The following PHKG2 variants were observed in gnomAD, a reference collection of about 807,000 sequenced individuals.
PHKG2 encodes phosphorylase kinase catalytic subunit gamma 2.
Under a neutral mutation model 44.5 loss-of-function variants are expected in PHKG2, and 28 were observed. The observed-to-expected ratio is 0.63, with a 90% CI of 0.47 to 0.86. The LOEUF is 0.86. Ranked by LOEUF, PHKG2 falls within the 40% of genes least tolerant of loss-of-function variation. The probability of loss-of-function intolerance (pLI) is 0.00; values close to 1 mark genes in which losing one functional copy is unlikely to be tolerated. For synonymous variants in PHKG2, 220 were observed against 211.2 expected (o/e 1.04, Z -0.36); for missense variants, 498 against 547.5 (o/e 0.91, Z 0.90).
In PHKG2 at chr16:30,761,004, G is replaced by A. The variant is rs1311150570; in HGVS notation, c.*3907G>A. 3 of 641,818 alleles carry A rather than the reference G, an allele frequency of 4.7e-6. No homozygotes were observed. Among genetic ancestry groups the A allele is most frequent in the Non-Finnish European group, 8.0e-6 (3 of 373,268 alleles). 39.8% of individuals were successfully genotyped at this position (641,818 alleles called of 1,614,324 possible). The stretch of plus-strand genomic sequence containing the variant: ...AGACTCCATTTACATTCTGTCTTTG[G>A]CTCTTTTTTTCTCACACTGCCTCCT... On this transcript the variant is annotated 3_prime_UTR_variant, in exon 10 of 10. Coordinates refer to ENST00000563588, the MANE Select transcript of PHKG2 (RefSeq NM_000294.3).
intron 4 of PHKG2, 67 bp downstream of exon 4, chr16:30,751,670 G>A: frequency 2.3e-6 from 3 of 1,316,544 alleles, no homozygotes; most frequent in Non-Finnish European, 3.3e-6. Flanking sequence ...CAGCATTTGT[G>A]GTGCAGTGGG....
chr16:30,755,085 TAC>T (rs2053399540), intron 6 of PHKG2: 2 of 362,204 alleles, frequency 5.5e-6, no homozygotes, highest in Admixed American at 3.3e-5. Context: ...AAACTAAAAA[TAC>T]AGACTTGAGC....
intron 2 of PHKG2, among the ~76,000 whole-genome samples, chr16:30,749,296 GTC>G (rs1490910084): frequency 2.9e-5 from 4 of 137,606 alleles, no homozygotes; most frequent in Non-Finnish European, 6.3e-5. Context: ...GTGTGTGTGT[GTC>G]TTTCAAGTTC....
At position 30,757,637 on chromosome 16, in the gene PHKG2, G is replaced by A. The variant is rs373334034; in HGVS notation, c.*540G>A. ...TTCACTTGGGTCTTGATGTAGGCTC[G>A]GAGGACGTGGATGTGGCCTGCAGGG... On this transcript the variant is annotated 3_prime_UTR_variant, in exon 10 of 10. Transcript: ENST00000563588. 45 of 1,613,136 alleles carry A rather than the reference G, an allele frequency of 2.8e-5. No individual in the cohort carries two copies. Among genetic ancestry groups the A allele is most frequent in the Non-Finnish European group, 3.8e-5 (45 of 1,179,430 alleles).
intron 6 of PHKG2, 44 bp downstream of exon 6, chr16:30,753,601 AG>A: frequency 6.3e-7 from 1 of 1,587,582 alleles, no homozygotes; most frequent in Non-Finnish European, 8.6e-7. Context: ...GGGGAGACCC[AG>A]GCCTGATGAG....
chr16:30,751,210 T>G lies in PHKG2; in HGVS notation c.200T>G (p.Leu67Arg), dbSNP rs1299395437. ...VTAERLSPEQ[L>R]EEVREATRRE... is the part of the protein sequence containing the mutation. ...GCTGAGCGGCTGAGTCCTGAGCAGC[T>G]GGAGGAGGTGCGGGAAGCCACACGG... The change falls in exon 3 of 10, where the codon CTG becomes CGG. Residue 67 changes from leucine (L) to arginine (R), a missense_variant. Coordinates refer to ENST00000563588, the MANE Select transcript of PHKG2 (RefSeq NM_000294.3). 16 of 1,613,592 alleles carry G rather than the reference T, an allele frequency of 9.9e-6. No homozygotes were observed. The Admixed American group carries it at 2.7e-4, about 27-fold the overall frequency.
At chr16:30,748,552 C>T (rs1168004614) in intron 1 of PHKG2, 62 bp downstream of exon 1, 1 of 535,350 alleles carries the variant, frequency 1.9e-6, no homozygotes. Context: ...TGCGCGGCAA[C>T]AGCCGCCTGC....
rs777606340 is a variant in PHKG2 at position 30,751,134 on chromosome 16, G to A, written c.124G>A (p.Val42Ile). The A allele has an allele frequency of 6.8e-6, 11 of 1,613,782 alleles. No individual in the cohort carries two copies. In the Admixed American group the frequency reaches 1.8e-4, roughly 27 times the overall value. Residue 42 changes from valine (V) to isoleucine (I), a missense_variant, in exon 3 of 10, where the codon GTT (valine) becomes ATT (isoleucine). By Grantham distance (29) the Val-to-Ile change is conservative. Transcript: ENST00000563588. ...RGVSSVVRRCVHRATGHEFAV... is the reference protein window; with the variant it reads ...RGVSSVVRRCIHRATGHEFAV... The stretch of plus-strand genomic sequence containing the variant: ...AGTGAGCTCTGTGGTCCGCCGTTGT[G>A]TTCATCGAGCTACTGGCCACGAGTT...
rs1020156539 is a variant in PHKG2 at position 30,753,237 on chromosome 16, G to A, written c.332G>A (p.Arg111Gln). The change falls in exon 5 of 10, where the codon CGG (arginine) becomes CAG (glutamine). Residue 111 changes from arginine (R) to glutamine (Q), a missense_variant. By Grantham distance (43) the Arg-to-Gln change is conservative. Coordinates refer to ENST00000563588, the MANE Select transcript of PHKG2 (RefSeq NM_000294.3). Reference protein sequence around the residue: ...SFMFLVFDLMRKGELFDYLTE... With the variant: ...SFMFLVFDLMQKGELFDYLTE... ...TATGCCCCTCCTTCCCTTAGGATGC[G>A]GAAGGGAGAGCTGTTTGACTATCTC... is the stretch of plus-strand genomic sequence containing the variant. 8.1e-6 allele frequency: 13 copies of A among 1,613,308 alleles called. No individual in the cohort carries two copies. Among genetic ancestry groups the A allele is most frequent in the African/African-American group, 1.3e-5 (1 of 74,892 alleles).
intron 2 of PHKG2, among the ~76,000 whole-genome samples, chr16:30,749,837 G>C (rs1300235814): frequency 1.3e-5 from 2 of 152,148 alleles, no homozygotes; most frequent in East Asian, 1.9e-4. Context: ...AAATTGGCAC[G>C]TGAACGTTAA....
In PHKG2 at chr16:30,760,525, A is replaced by C; in HGVS notation, c.*3428A>C. The C allele has an allele frequency of 1.2e-6, 2 of 1,608,162 alleles. No individual in the cohort carries two copies. Among genetic ancestry groups the C allele is most frequent in the Non-Finnish European group, 1.7e-6 (2 of 1,176,878 alleles). On this transcript the variant is annotated 3_prime_UTR_variant, in exon 10 of 10. Coordinates refer to ENST00000563588, the MANE Select transcript of PHKG2 (RefSeq NM_000294.3). Reference sequence around the variant, plus strand: ...ACCCTACACCCACCACATGCTTTGGAGTCAGCCATTCCTCATGTTTTCCCA... The same window carrying C: ...ACCCTACACCCACCACATGCTTTGGCGTCAGCCATTCCTCATGTTTTCCCA...
chr16:30,755,191 G>C (rs577550322), intron 6 of PHKG2: 1 of 271,280 alleles, frequency 3.7e-6, no homozygotes, highest in African/African-American at 2.2e-5. Flanking sequence ...ACAATGAGCT[G>C]TGATAGTGCC....
rs2053719721 is a variant in PHKG2, at chr16:30,760,825, T to G, written c.*3728T>G. On this transcript the variant is annotated 3_prime_UTR_variant, in exon 10 of 10. Transcript: ENST00000563588. ...ATGCAAATCGTTAACTCTCTGGGCC[T>G]AAATGAACTCTTATGAGCCTCTCCA... The G allele has an allele frequency of 1.4e-6, 1 of 691,826 alleles. No individual in the cohort carries two copies. Among genetic ancestry groups the G allele is most frequent in the Non-Finnish European group, 2.6e-6 (1 of 390,792 alleles). The allele number at this position is 691,826 out of a possible 1,614,324, so 42.9% of individuals were successfully genotyped here.
Position 30,749,106 on chromosome 16 carries a change from C to CTGCTGCTGCTGCTGCTGGTGCTGCTGG in PHKG2, c.95+196_95+197insCTGCTGCTGCTGGTGCTGCTGGTGCTG, listed in dbSNP as rs1567259550. 2.6e-4 allele frequency among the ~76,000 whole-genome samples: 13 copies of CTGCTGCTGCTGCTGCTGGTGCTGCTGG among 50,522 alleles called. 5 individuals carry two copies. Among genetic ancestry groups the CTGCTGCTGCTGCTGCTGGTGCTGCTGG allele is most frequent in the African/African-American group, 1.7e-3 (13 of 7,772 alleles). 33.1% of individuals were successfully genotyped at this position (50,522 alleles called of 152,430 possible). A position where few individuals can be genotyped will look rare whatever the true frequency, so the allele number is the denominator to read the frequency against. ...GGTGGTGGTGCTGCTGCTGCTGCTG[C>CTGCTGCTGCTGCTGCTGGTGCTGCTGG]TGCTGGTGGTGCTGGTGCTGGTGGT... On this transcript the variant is annotated intron_variant, in intron 2 of 9. Transcript: ENST00000563588.
At chr16:30,748,575 T>C in intron 1 of PHKG2, 85 bp downstream of exon 1, 3 of 550,054 alleles carry the variant, frequency 5.5e-6, no homozygotes, top group Admixed American at 3.2e-5. Context: ...TTGCGCCCCT[T>C]CCCCCTGCCT....
chr16:30,753,880 C>A (rs893143527), intron 6 of PHKG2, among the ~76,000 whole-genome samples: 5 of 152,188 alleles, frequency 3.3e-5, no homozygotes, highest in Admixed American at 6.5e-5. Context: ...TGTTCAGCCA[C>A]GTTTGGGGTC....
Position 30,759,585 on chromosome 16 carries a change from G to A in PHKG2, c.*2488G>A, listed in dbSNP as rs769752076. On this transcript the variant is annotated 3_prime_UTR_variant, in exon 10 of 10. Coordinates refer to ENST00000563588, the MANE Select transcript of PHKG2 (RefSeq NM_000294.3). ...TCACAAGAAGATAAGGGTGATGAAT[G>A]TGAGAGAGACTGGGTGAGACCTTGT... The A allele has an allele frequency of 5.6e-6, 9 of 1,614,146 alleles. No individual in the cohort carries two copies. Among genetic ancestry groups the A allele is most frequent in the Non-Finnish European group, 6.8e-6 (8 of 1,180,020 alleles).
chr16:30,749,002 T>A (rs2053293971), intron 2 of PHKG2, 87 bp downstream of exon 2: 6 of 3,980 alleles, frequency 1.5e-3, no homozygotes, highest in Non-Finnish European at 2.4e-3. Context: ...AGTTCGCGGG[T>A]GGTGGTGGTG....
In PHKG2 at chr16:30,753,456, G is replaced by A. The variant is rs1440723288; in HGVS notation, c.455G>A (p.Arg152Gln). ...SFLHANNIVH[R>Q]DLKPENILLD... ...CTCCATGCCAACAACATTGTGCATC[G>A]AGATCTGAAGCCCGAGAATATTCTC... Residue 152 changes from arginine (R) to glutamine (Q), a missense_variant, in exon 6 of 10, where the codon CGA (arginine) becomes CAA (glutamine). Physicochemically the swap from Arg to Gln is conservative, Grantham distance 43 (BLOSUM62 1). Coordinates refer to ENST00000563588, the MANE Select transcript of PHKG2 (RefSeq NM_000294.3). 2 of 1,614,176 alleles carry A rather than the reference G, an allele frequency of 1.2e-6. No homozygotes were observed. The highest frequency in any genetic ancestry group is 1.7e-6 in the Non-Finnish European group (2 of 1,180,032).
Sources: gnomAD v4.1 joint callset for allele counts (sites outside exome capture counted in the v4.1 genomes callset) on GRCh38, gnomAD v4.1.1 for gene constraint, MANE v1.5 for transcripts, NCBI Gene and HGNC (gene_info 2026-07-23, HGNC 2026-07-21) for gene names.